The following RASSF3 variants were observed in gnomAD, a reference collection of about 807,000 sequenced individuals.
RASSF3 encodes ras association domain-containing protein 3.
In RASSF3, 19 loss-of-function variants were observed where a neutral mutation model predicts 19.9. That is an observed-to-expected ratio of 0.96 (90% CI 0.67 to 1.40). RASSF3 has a LOEUF of 1.40. RASSF3 is among the 40% of genes most tolerant of loss of function. The pLI is 0.00. For missense variants in RASSF3, 306 were observed against 289.8 expected, an observed-to-expected ratio of 1.06 and a Z score of -0.41; for synonymous variants, 110 against 104.2, an observed-to-expected ratio of 1.06 and a Z score of -0.34.
At position 64,584,879 on chromosome 12, in the gene RASSF3, C is replaced by CTCT. The variant is rs1555210464; in HGVS notation, c.294+43175_294+43176insCTT. On this transcript the variant is annotated intron_variant, in intron 2 of 5. Transcript: ENST00000637125. ...CACCCTGGAAAAGCACAGAAGGATT[C>CTCT]TTTTTTTTTTTTTTTTTTTTTTTGA... 3.7e-4 allele frequency among the ~76,000 whole-genome samples: 30 copies of CTCT among 80,826 alleles called. 1 individual carries two copies. In the Admixed American group the frequency reaches 4.7e-3, roughly 13 times the overall value. 53.0% of individuals were successfully genotyped at this position (80,826 alleles called of 152,430 possible).
chr12:64,511,377 G>A (rs921575155), intron 1 of RASSF3, among the ~76,000 whole-genome samples: 2 of 152,122 alleles, frequency 1.3e-5, no homozygotes, highest in African/African-American at 2.4e-5. Context: ...AGCTACCCTG[G>A]AGGCTGAGGC....
At chr12:64,674,828 T>C (rs1872824149) in intron 1 of RASSF3, among the ~76,000 whole-genome samples, 1 of 151,946 alleles carries the variant, frequency 6.6e-6, no homozygotes, top group Admixed American at 6.6e-5. Context: ...GCTGACTGGG[T>C]AGGGCAGTAC....
At chr12:64,585,780 T>C (rs1483125717) in intron 2 of RASSF3, among the ~76,000 whole-genome samples, 1 of 151,908 alleles carries the variant, frequency 6.6e-6, no homozygotes, top group Non-Finnish European at 1.5e-5. Context: ...AATTGTTTAA[T>C]TTTTTTGTAG....
intron 1 of RASSF3, among the ~76,000 whole-genome samples, chr12:64,645,160 G>T (rs1381158166): frequency 6.6e-6 from 1 of 152,180 alleles, no homozygotes; most frequent in Non-Finnish European, 1.5e-5. Flanking sequence ...AATTTTTGTG[G>T]AGTGGATCAA....
In RASSF3 at chr12:64,679,262, T is replaced by C. The variant is rs1317683879; in HGVS notation, c.112-5525T>C. Reference sequence around the variant, plus strand: ...TTTTTGTAGAGATGGGGTTTCACCATGTTGGCCAGGTTGGTCTCGAACTCC... The same window carrying C: ...TTTTTGTAGAGATGGGGTTTCACCACGTTGGCCAGGTTGGTCTCGAACTCC... On this transcript the variant is annotated intron_variant, in intron 1 of 4. Transcript: ENST00000542104. 3.3e-5 allele frequency among the ~76,000 whole-genome samples: 5 copies of C among 152,212 alleles called. No homozygotes were observed. In the East Asian group the frequency reaches 9.6e-4, roughly 29 times the overall value.
At position 64,614,385 on chromosome 12, in the gene RASSF3, C is replaced by T. The variant is rs538865521; in HGVS notation, c.111+3642C>T. Among the ~76,000 whole-genome samples, 359 of 152,208 alleles carry T rather than the reference C, an allele frequency of 2.4e-3. 4 individuals carry two copies. The highest frequency in any genetic ancestry group is 2.2e-3 in the Non-Finnish European group (152 of 68,014). The stretch of plus-strand genomic sequence containing the variant: ...TCAGGTGATCTGCCCGCCTCGGCCT[C>T]CCAAAGTGCTGGGATTACAGGCGTG... On this transcript the variant is annotated intron_variant, in intron 1 of 4. Coordinates refer to ENST00000542104, the MANE Select transcript of RASSF3 (RefSeq NM_178169.4).
intron 1 of RASSF3, among the ~76,000 whole-genome samples, chr12:64,519,652 T>A (rs1173787537): frequency 2.0e-5 from 3 of 152,072 alleles, no homozygotes; most frequent in African/African-American, 7.2e-5. Flanking sequence ...ATACATACAT[T>A]CACTTGTCCC....
At chr12:64,634,279 C>T (rs1252675134) in intron 1 of RASSF3, among the ~76,000 whole-genome samples, 1 of 150,190 alleles carries the variant, frequency 6.7e-6, no homozygotes, top group African/African-American at 2.4e-5. Context: ...GGGTCTGCTG[C>T]TGTGAGCTTT....
At chr12:64,556,538 G>A (rs770198594) in intron 2 of RASSF3, among the ~76,000 whole-genome samples, 4 of 152,128 alleles carry the variant, frequency 2.6e-5, no homozygotes, top group Admixed American at 2.0e-4. Context: ...GCCTACATGA[G>A]TACCTTCTCC....
upstream of RASSF3, among the ~76,000 whole-genome samples, chr12:64,607,731 T>C (rs1391862483): frequency 6.6e-6 from 1 of 152,070 alleles, no homozygotes; most frequent in East Asian, 1.9e-4. Flanking sequence ...ATTTCATTAT[T>C]TGATCATGGC....
chr12:64,576,932 G>GGCAT (rs893285939), intron 2 of RASSF3, among the ~76,000 whole-genome samples: 12 of 151,618 alleles, frequency 7.9e-5, no homozygotes, highest in African/African-American at 2.9e-4. Context: ...AGGAAGCAGT[G>GGCAT]GCATGCATGC....
rs4964095 is a variant in RASSF3, at chr12:64,695,662, G to C, written c.*750G>C. 1,913 of 152,532 alleles carry C rather than the reference G, an allele frequency of 0.013. 18 individuals carry two copies. Among genetic ancestry groups the C allele is most frequent in the Non-Finnish European group, 0.018 (1,241 of 68,158 alleles). 9.4% of individuals were successfully genotyped at this position (152,532 alleles called of 1,614,324 possible). On this transcript the variant is annotated 3_prime_UTR_variant, in exon 5 of 5. Transcript: ENST00000542104. ...TGGGTAGAATATGGGAACAGAGCCAGAGGCAGGAGCTAAACCAAAAGGAGG... is the reference window on the plus strand; with the variant it reads ...TGGGTAGAATATGGGAACAGAGCCACAGGCAGGAGCTAAACCAAAAGGAGG...
intron 2 of RASSF3, chr12:64,575,668 A>C (rs1869583416): frequency 1.3e-5 from 2 of 152,182 alleles, no homozygotes; most frequent in South Asian, 4.1e-4. Context: ...AGAGAAAGCC[A>C]AATGATGCTT....
At chr12:64,673,663 G>A (rs1872778253) in intron 1 of RASSF3, among the ~76,000 whole-genome samples, 1 of 152,134 alleles carries the variant, frequency 6.6e-6, no homozygotes, top group South Asian at 2.1e-4. Flanking sequence ...TAGTGGATTT[G>A]GATGTGCGTG....
downstream of RASSF3, among the ~76,000 whole-genome samples, chr12:64,543,674 C>A (rs1320195015): frequency 6.6e-6 from 1 of 151,168 alleles, no homozygotes; most frequent in Non-Finnish European, 1.5e-5. Context: ...GCTCCGCCTG[C>A]GCCCCTAGTG....
chr12:64,516,998 CAAAA>C (rs371430838), intron 1 of RASSF3, among the ~76,000 whole-genome samples: 245 of 51,978 alleles, frequency 4.7e-3, no homozygotes, highest in African/African-American at 0.016. Flanking sequence ...AAATCTGTCT[CAAAA>C]AAAAAAAAAA....
intron 1 of RASSF3, among the ~76,000 whole-genome samples, chr12:64,681,676 G>A (rs1873132629): frequency 6.6e-6 from 1 of 152,150 alleles, no homozygotes; most frequent in Admixed American, 6.5e-5. Flanking sequence ...AGCTAATTGT[G>A]GATTGGTAAG....
intron 2 of RASSF3, among the ~76,000 whole-genome samples, chr12:64,567,917 G>A (rs1016128844): frequency 1.3e-5 from 2 of 152,340 alleles, no homozygotes; most frequent in Admixed American, 1.3e-4. Flanking sequence ...GCTCTAACTC[G>A]AGTTGGAGGC....
At chr12:64,693,113 T>C (rs1421316188) in intron 4 of RASSF3, among the ~76,000 whole-genome samples, 5 of 151,758 alleles carry the variant, frequency 3.3e-5, no homozygotes, top group Non-Finnish European at 7.4e-5. Flanking sequence ...TATTCTAACG[T>C]AGAAGTTTTG....
Sources: allele counts gnomAD v4.1 joint callset (sites outside exome capture counted in the v4.1 genomes callset), GRCh38; gene constraint gnomAD v4.1.1; transcripts MANE v1.5; gene names NCBI Gene and HGNC (gene_info 2026-07-23, HGNC 2026-07-21).